Variants in CUL4A observed in about 807,000 individuals in gnomAD.
The protein encoded by CUL4A is cullin-4A.
A neutral mutation model predicts 95.5 loss-of-function variants in CUL4A; 16 were observed. That is an observed-to-expected ratio of 0.17 (90% CI 0.11 to 0.25). The LOEUF (loss-of-function observed/expected upper bound fraction) is 0.25, where lower values mean the gene tolerates loss of function less well. Among genes scored for constraint, CUL4A ranks in the 10% least tolerant of loss-of-function variants. CUL4A has a pLI of 1.00. For synonymous variants in CUL4A, 380 were observed against 353.1 expected (o/e 1.08, Z -0.85); for missense variants, 610 against 937.0 (o/e 0.65, Z 4.56).
intron 3 of CUL4A, chr13:113,219,477 G>T: frequency 6.3e-6 from 1 of 158,662 alleles, no homozygotes; most frequent in Non-Finnish European, 1.4e-5. Context: ...GCAGAGTCAA[G>T]GTGTCAGCCA....
In CUL4A at chr13:113,209,666, G is replaced by A. The variant is rs1271034939; in HGVS notation, c.39G>A (p.Ala13=). ...CCCCGCGGAAGGGCAGCTTCTCGGCGCTCGTGGGCCGCACCAACGGCCTCA... is the reference window on the plus strand; with the variant it reads ...CCCCGCGGAAGGGCAGCTTCTCGGCACTCGTGGGCCGCACCAACGGCCTCA... ...DEAPRKGSFS[A]LVGRTNGLTK... Residue 13 remains alanine (A), a synonymous_variant, in exon 1 of 20, where the codon GCG becomes GCA. Transcript: ENST00000375440. 8.8e-7 allele frequency: 1 copy of A among 1,135,082 alleles called. No homozygotes were observed. Among genetic ancestry groups the A allele is most frequent in the Non-Finnish European group, 1.1e-6 (1 of 926,904 alleles). 70.3% of individuals were successfully genotyped at this position (1,135,082 alleles called of 1,614,324 possible). A position where few individuals can be genotyped will look rare whatever the true frequency, so the allele number is the denominator to read the frequency against.
At chr13:113,213,743 C>T (rs1213844491) in intron 2 of CUL4A, among the ~76,000 whole-genome samples, 1 of 152,196 alleles carries the variant, frequency 6.6e-6, no homozygotes, top group Non-Finnish European at 1.5e-5. Context: ...ACTAGGAGTG[C>T]TTACCCCAAA....
intron 6 of CUL4A, 102 bp downstream of exon 6, chr13:113,233,441 A>G (rs2041429851): frequency 8.5e-7 from 1 of 1,174,894 alleles, no homozygotes; most frequent in Non-Finnish European, 1.2e-6. Flanking sequence ...TCATAAAGGC[A>G]TTTGTTGAAG....
At chr13:113,260,337 G>A (rs1289111365) in intron 18 of CUL4A, among the ~76,000 whole-genome samples, 2 of 151,610 alleles carry the variant, frequency 1.3e-5, no homozygotes, top group Non-Finnish European at 2.9e-5. Context: ...GATCATCTGA[G>A]GTCAGGAGTT....
At chr13:113,228,129 C>A in intron 4 of CUL4A, 84 bp downstream of exon 4, 2 of 1,049,696 alleles carry the variant, frequency 1.9e-6, no homozygotes, top group Non-Finnish European at 3.0e-6. Context: ...CATAGAAGTT[C>A]TGTTGAGGAT....
Position 113,236,894 on chromosome 13 carries a change from G to A in CUL4A, c.916+4G>A. ...TTAACAGCAATTCTGCAGAAAGGTA[G>A]ATTTCCTAACTCTTGTGCAAATTAA... On this transcript the variant is annotated splice_donor_region_variant and intron_variant, in intron 9 of 19. Transcript: ENST00000375440. 6.2e-7 allele frequency: 1 copy of A among 1,603,124 alleles called. No individual in the cohort carries two copies. The highest frequency in any genetic ancestry group is 1.3e-5 in the African/African-American group (1 of 74,756).
chr13:113,234,391 C>G (rs1449852797), intron 7 of CUL4A, among the ~76,000 whole-genome samples: 1 of 152,012 alleles, frequency 6.6e-6, no homozygotes, highest in African/African-American at 2.4e-5. Flanking sequence ...TAATAGGAAC[C>G]CAAAAAACTT....
At chr13:113,235,833 T>C (rs1437797604) in intron 8 of CUL4A, among the ~76,000 whole-genome samples, 2 of 151,842 alleles carry the variant, frequency 1.3e-5, no homozygotes, top group Admixed American at 6.6e-5. Flanking sequence ...TAGCCGGGCG[T>C]GGTGGCGGGA....
intron 19 of CUL4A, among the ~76,000 whole-genome samples, chr13:113,262,603 C>T (rs886813287): frequency 7.2e-5 from 11 of 152,186 alleles, no homozygotes; most frequent in African/African-American, 1.9e-4. Flanking sequence ...GAGCTGAGAT[C>T]GCACCACTGC....
intron 18 of CUL4A, among the ~76,000 whole-genome samples, chr13:113,259,933 C>G (rs572550746): frequency 1.3e-5 from 2 of 151,824 alleles, no homozygotes; most frequent in Non-Finnish European, 2.9e-5. Context: ...CGGCCAGGCA[C>G]GGTGGCTCAC....
chr13:113,245,297 C>G, intron 14 of CUL4A, 60 bp downstream of exon 14: 2 of 1,451,920 alleles, frequency 1.4e-6, no homozygotes. Flanking sequence ...TGTGGTGGCT[C>G]ATGCCTGTAA....
At chr13:113,245,325 G>A in intron 14 of CUL4A, 88 bp downstream of exon 14, 1 of 1,169,084 alleles carries the variant, frequency 8.6e-7, no homozygotes, top group Non-Finnish European at 1.3e-6. Flanking sequence ...ACTTTGGGAG[G>A]CAGAGGCAAG....
At chr13:113,229,590 G>A (rs770593446) in intron 5 of CUL4A, 71 bp downstream of exon 5, 15 of 1,268,122 alleles carry the variant, frequency 1.2e-5, no homozygotes, top group East Asian at 1.2e-4. Flanking sequence ...TGTGTCTTCC[G>A]CAGGCTAAGA....
chr13:113,234,049 A>T, intron 7 of CUL4A, 63 bp downstream of exon 7: 1 of 957,150 alleles, frequency 1.0e-6, no homozygotes, highest in Admixed American at 2.3e-5. Flanking sequence ...ACCTAGGAGG[A>T]CTTTCCTCAT....
intron 16 of CUL4A, among the ~76,000 whole-genome samples, 179 bp downstream of exon 16, chr13:113,253,374 GA>G (rs1467829639): frequency 6.6e-6 from 1 of 151,786 alleles, no homozygotes; most frequent in Non-Finnish European, 1.5e-5. Flanking sequence ...AAATTCTTAA[GA>G]AATCAATCCA....
At chr13:113,235,040 C>G (rs765376059) in intron 7 of CUL4A, 23 bp from the exon 8 acceptor site, 2 of 1,495,674 alleles carry the variant, frequency 1.3e-6, no homozygotes, top group South Asian at 2.3e-5. Context: ...GTTACTGATA[C>G]ATTTAATTGT....
chr13:113,232,325 C>A (rs996200950), intron 5 of CUL4A, among the ~76,000 whole-genome samples: 18 of 151,844 alleles, frequency 1.2e-4, no homozygotes, highest in Admixed American at 2.0e-4. Flanking sequence ...CTGCTGCCAC[C>A]ACCAGTATTA....
chr13:113,238,442 A>AG (rs1467698201), intron 9 of CUL4A, among the ~76,000 whole-genome samples: 1 of 152,120 alleles, frequency 6.6e-6, no homozygotes, highest in Admixed American at 6.5e-5. Flanking sequence ...TCAAAAAAAA[A>AG]AGAGAAAAAA....
At chr13:113,255,590 C>T (rs180744649) in intron 18 of CUL4A, among the ~76,000 whole-genome samples, 1 of 152,290 alleles carries the variant, frequency 6.6e-6, no homozygotes, top group Admixed American at 6.5e-5. Context: ...GAGCCCCTGG[C>T]AACCCCTGAC....
Sources: allele counts gnomAD v4.1 joint callset (sites outside exome capture counted in the v4.1 genomes callset), GRCh38; gene constraint gnomAD v4.1.1; transcripts MANE v1.5; gene names NCBI Gene and HGNC (gene_info 2026-07-23, HGNC 2026-07-21).